Variants in TRHDE observed in about 807,000 individuals in gnomAD.
TRHDE encodes thyrotropin-releasing hormone-degrading ectoenzyme.
Under a neutral mutation model 125.7 loss-of-function variants are expected in TRHDE, and 72 were observed. The observed-to-expected ratio is 0.57, with a 90% CI of 0.47 to 0.70. The LOEUF (loss-of-function observed/expected upper bound fraction) is 0.70, where lower values mean the gene tolerates loss of function less well. Ranked by LOEUF, TRHDE falls within the 30% of genes least tolerant of loss-of-function variation. TRHDE has a pLI of 0.00. For synonymous variants in TRHDE, 509 were observed against 509.1 expected, an observed-to-expected ratio of 1.00 and a Z score of 0.00; for missense variants, 1,110 against 1,327.1, an observed-to-expected ratio of 0.84 and a Z score of 2.54.
upstream of TRHDE, among the ~76,000 whole-genome samples, chr12:72,269,313 AG>A (rs150665247): frequency 6.6e-5 from 10 of 152,274 alleles, no homozygotes; most frequent in East Asian, 1.9e-3. Flanking sequence ...CTTGATAGTA[AG>A]TTTTATTATG....
intron 3 of TRHDE, among the ~76,000 whole-genome samples, chr12:72,394,902 T>C (rs772169183): frequency 1.3e-5 from 2 of 152,202 alleles, no homozygotes; most frequent in Non-Finnish European, 2.9e-5. Context: ...TTTCACCAAA[T>C]GGTGTTTTCT....
intron 2 of TRHDE, among the ~76,000 whole-genome samples, chr12:72,297,936 C>T (rs866505871): frequency 2.2e-4 from 33 of 152,252 alleles, no homozygotes; most frequent in African/African-American, 7.5e-4. Context: ...AATGGAGGAG[C>T]TTATAGAACC....
At chr12:72,390,970 G>A (rs564173568) in intron 3 of TRHDE, among the ~76,000 whole-genome samples, 3 of 152,074 alleles carry the variant, frequency 2.0e-5, no homozygotes, top group East Asian at 1.9e-4. Context: ...TCAGCACGTC[G>A]TATAAAATTC....
chr12:72,177,971 G>T (rs1877022776), intron 2 of TRHDE, among the ~76,000 whole-genome samples: 1 of 152,206 alleles, frequency 6.6e-6, no homozygotes, highest in Admixed American at 6.5e-5. Flanking sequence ...TAAGTCTGGG[G>T]CTAGAATTGC....
chr12:72,656,010 G>A (rs1321234622), intron 17 of TRHDE, among the ~76,000 whole-genome samples: 3 of 152,098 alleles, frequency 2.0e-5, no homozygotes, highest in African/African-American at 4.8e-5. Flanking sequence ...CTACAAGTTA[G>A]GGAAGCACTG....
At chr12:72,559,623 A>G (rs538809870) in intron 7 of TRHDE, among the ~76,000 whole-genome samples, 18 of 152,176 alleles carry the variant, frequency 1.2e-4, no homozygotes, top group Non-Finnish European at 1.8e-4. Flanking sequence ...GAGAAACCAC[A>G]ATTCTTTTTA....
intron 2 of TRHDE, among the ~76,000 whole-genome samples, chr12:72,185,605 A>G (rs1399802531): frequency 6.6e-6 from 1 of 151,580 alleles, no homozygotes; most frequent in Non-Finnish European, 1.5e-5. Flanking sequence ...TTGTGAGTGC[A>G]CCAATCTACA....
intron 2 of TRHDE, among the ~76,000 whole-genome samples, chr12:72,195,531 C>A (rs1877423952): frequency 6.6e-6 from 1 of 151,992 alleles, no homozygotes; most frequent in South Asian, 2.1e-4. Flanking sequence ...ATATTGTTGG[C>A]CACTTGTATG....
chr12:72,160,148 A>G (rs1410481105), intron 2 of TRHDE, among the ~76,000 whole-genome samples: 2 of 152,126 alleles, frequency 1.3e-5, no homozygotes, highest in African/African-American at 4.8e-5. Context: ...CTCTCTGGTT[A>G]TGTTACATAC....
chr12:72,206,930 G>C (rs575277404), intron 2 of TRHDE, among the ~76,000 whole-genome samples: 2 of 152,108 alleles, frequency 1.3e-5, no homozygotes, highest in Admixed American at 1.3e-4. Flanking sequence ...TCAAAGTAAA[G>C]AAACTTGTTG....
chr12:72,368,240 G>C (rs1339831623), intron 2 of TRHDE, among the ~76,000 whole-genome samples: 1 of 151,992 alleles, frequency 6.6e-6, no homozygotes, highest in African/African-American at 2.4e-5. Flanking sequence ...ATTCCAGGTA[G>C]TTTATGATGA....
chr12:72,514,498 A>C (rs1276794423), intron 6 of TRHDE, among the ~76,000 whole-genome samples: 1 of 152,110 alleles, frequency 6.6e-6, no homozygotes, highest in Non-Finnish European at 1.5e-5. Context: ...TAAAGAGAGA[A>C]TTATAACCTA....
At chr12:72,618,363 T>C (rs1872906228) in intron 12 of TRHDE, among the ~76,000 whole-genome samples, 2 of 152,138 alleles carry the variant, frequency 1.3e-5, no homozygotes, top group Admixed American at 1.3e-4. Context: ...TTTATCGGTG[T>C]TATGGAAAGC....
chr12:72,469,992 T>G lies in TRHDE; in HGVS notation c.1470+80T>G, dbSNP rs1445897976. The G allele has an allele frequency of 2.1e-6, 3 of 1,403,280 alleles. No homozygotes were observed. In the African/African-American group the frequency reaches 4.3e-5, roughly 20 times the overall value. The allele number at this position is 1,403,280 out of a possible 1,614,324, so 86.9% of individuals were successfully genotyped here. A position where few individuals can be genotyped will look rare whatever the true frequency, so the allele number is the denominator to read the frequency against. On this transcript the variant is annotated intron_variant, in intron 4 of 18. Transcript: ENST00000261180. ...TTGAATACCTACATTAAGAGCTAAATTATTATCCTCCCAAAGAAGTTTTAA... is the reference window on the plus strand; with the variant it reads ...TTGAATACCTACATTAAGAGCTAAAGTATTATCCTCCCAAAGAAGTTTTAA...
intron 2 of TRHDE, among the ~76,000 whole-genome samples, chr12:72,127,038 G>T (rs1875729967): frequency 2.6e-5 from 4 of 152,044 alleles, no homozygotes; most frequent in Admixed American, 2.6e-4. Flanking sequence ...GTAGGCAAAA[G>T]ACATGAACAC....
At chr12:72,337,613 A>G (rs1303253525) in intron 2 of TRHDE, among the ~76,000 whole-genome samples, 1 of 151,840 alleles carries the variant, frequency 6.6e-6, no homozygotes, top group African/African-American at 2.4e-5. Context: ...TGTGTCTCGT[A>G]TGTCTTTTCC....
chr12:72,457,254 A>G (rs1875901047), intron 3 of TRHDE, among the ~76,000 whole-genome samples: 1 of 152,198 alleles, frequency 6.6e-6, no homozygotes, highest in Admixed American at 6.5e-5. Context: ...GTTCCCTTAA[A>G]GGCAAATTAG....
At chr12:72,318,002 G>A (rs1304939249) in intron 2 of TRHDE, among the ~76,000 whole-genome samples, 1 of 152,204 alleles carries the variant, frequency 6.6e-6, no homozygotes, top group Non-Finnish European at 1.5e-5. Context: ...GGAATTTATA[G>A]CCATCAAAGG....
intron 2 of TRHDE, among the ~76,000 whole-genome samples, chr12:72,135,137 G>A (rs888435312): frequency 1.5e-4 from 23 of 152,208 alleles, no homozygotes; most frequent in African/African-American, 5.3e-4. Flanking sequence ...CCCAGGGCTT[G>A]TGGGGTTTTG....
Sources: gnomAD v4.1 joint callset for allele counts (sites outside exome capture counted in the v4.1 genomes callset) on GRCh38, gnomAD v4.1.1 for gene constraint, MANE v1.5 for transcripts, NCBI Gene and HGNC (gene_info 2026-07-23, HGNC 2026-07-21) for gene names.